The following STIM1 variants were observed in gnomAD, a reference collection of about 807,000 sequenced individuals.
STIM1 encodes the protein stromal interaction molecule 1.
In STIM1, 25 loss-of-function variants were observed where a neutral mutation model predicts 74.7. That is an observed-to-expected ratio of 0.33 (90% CI 0.24 to 0.47). STIM1 has a LOEUF of 0.47. STIM1 is among the 20% of genes least tolerant of loss of function. STIM1 has a pLI of 1.00. For missense variants in STIM1, 728 were observed against 920.8 expected, an observed-to-expected ratio of 0.79 and a Z score of 2.71; for synonymous variants, 328 against 348.8, an observed-to-expected ratio of 0.94 and a Z score of 0.66.
chr11:3,968,227 A>G (rs1468566297), intron 2 of STIM1, among the ~76,000 whole-genome samples: 1 of 152,226 alleles, frequency 6.6e-6, no homozygotes, highest in Non-Finnish European at 1.5e-5. Context: ...TCTAAATGGA[A>G]AAAAGCTCTA....
At chr11:3,891,522 C>G (rs12271076) in intron 1 of STIM1, among the ~76,000 whole-genome samples, 1 of 152,010 alleles carries the variant, frequency 6.6e-6, no homozygotes, top group Non-Finnish European at 1.5e-5. Context: ...TGACTTCAGG[C>G]GATCTTCTCA....
At chr11:4,011,160 A>G (rs1359152675) in intron 2 of STIM1, among the ~76,000 whole-genome samples, 1 of 152,192 alleles carries the variant, frequency 6.6e-6, no homozygotes, top group Admixed American at 6.5e-5. Flanking sequence ...GCTATTGTGA[A>G]TAGTGCCGCA....
At chr11:3,864,062 G>A (rs932542084) in intron 1 of STIM1, among the ~76,000 whole-genome samples, 1 of 151,856 alleles carries the variant, frequency 6.6e-6, no homozygotes, top group African/African-American at 2.4e-5. Flanking sequence ...GCCATCATGC[G>A]TAACTCTGGT....
intron 5 of STIM1, among the ~76,000 whole-genome samples, chr11:4,065,737 C>T (rs1328311221): frequency 1.3e-5 from 2 of 152,104 alleles, no homozygotes; most frequent in African/African-American, 4.8e-5. Context: ...ATAGCTGAGG[C>T]ATTTAAAGCA....
chr11:3,960,851 A>G (rs1422674439), intron 1 of STIM1, among the ~76,000 whole-genome samples: 2 of 152,156 alleles, frequency 1.3e-5, no homozygotes, highest in Admixed American at 6.5e-5. Context: ...AAAATGTACA[A>G]TTCTACCCTT....
chr11:4,044,803 G>A (rs973125527), intron 3 of STIM1, among the ~76,000 whole-genome samples: 5 of 152,118 alleles, frequency 3.3e-5, no homozygotes, highest in Non-Finnish European at 7.4e-5. Context: ...TGGCAACCCC[G>A]TGCCTCACTT....
chr11:4,028,894 A>G (rs1361050684), intron 3 of STIM1, among the ~76,000 whole-genome samples: 1 of 152,100 alleles, frequency 6.6e-6, no homozygotes, highest in Non-Finnish European at 1.5e-5. Context: ...CTGGTAGAAA[A>G]TAAACATTAC....
chr11:3,863,577 T>C (rs968999640), intron 1 of STIM1, among the ~76,000 whole-genome samples: 24 of 152,130 alleles, frequency 1.6e-4, no homozygotes, highest in African/African-American at 5.6e-4. Flanking sequence ...AAATATTAAG[T>C]GGAAAATTCC....
intron 5 of STIM1, among the ~76,000 whole-genome samples, chr11:4,063,803 T>C (rs1009018377): frequency 2.6e-5 from 4 of 152,222 alleles, no homozygotes; most frequent in African/African-American, 4.8e-5. Flanking sequence ...TAGTCACTTT[T>C]CTCAGGTGTG....
intron 2 of STIM1, among the ~76,000 whole-genome samples, chr11:3,975,858 C>T (rs1408946852): frequency 3.3e-5 from 5 of 152,074 alleles, no homozygotes; most frequent in Admixed American, 6.5e-5. Flanking sequence ...AAGTCCTGGA[C>T]GAGGAGGAAG....
intron 3 of STIM1, among the ~76,000 whole-genome samples, chr11:4,051,002 C>T (rs2094235327): frequency 6.6e-6 from 1 of 151,824 alleles, no homozygotes; most frequent in African/African-American, 2.4e-5. Context: ...AGAGATTAGT[C>T]TTGCTGTCTC....
chr11:3,946,166 A>G (rs1450358656), intron 1 of STIM1, among the ~76,000 whole-genome samples: 1 of 152,220 alleles, frequency 6.6e-6, no homozygotes, highest in Non-Finnish European at 1.5e-5. Context: ...TTCTTGAATA[A>G]TAGTATACAT....
intron 2 of STIM1, among the ~76,000 whole-genome samples, chr11:4,005,102 T>C (rs1387936576): frequency 6.6e-6 from 1 of 152,120 alleles, no homozygotes; most frequent in Non-Finnish European, 1.5e-5. Flanking sequence ...GGAGAGGATG[T>C]GGAATAATAG....
At chr11:3,855,335 C>T (rs2090320092), upstream of STIM1, 1 of 152,256 alleles carries the variant, frequency 6.6e-6, no homozygotes, top group South Asian at 2.1e-4. Context: ...CTGCTGTCGC[C>T]GCCGCCGCAG....
intron 1 of STIM1, among the ~76,000 whole-genome samples, chr11:3,937,724 T>C (rs2092952250): frequency 1.3e-5 from 2 of 152,192 alleles, no homozygotes; most frequent in Admixed American, 6.5e-5. Context: ...TATAAGCTCA[T>C]CCACTGGAGG....
At position 3,961,898 on chromosome 11, in the gene STIM1, T is replaced by A. The variant is rs986304414; in HGVS notation, c.140-5654T>A. Among the ~76,000 whole-genome samples the A allele has an allele frequency of 3.9e-5, 6 of 152,234 alleles. 1 individual carries two copies. Among genetic ancestry groups the A allele is most frequent in the Admixed American group, 1.3e-4 (2 of 15,290 alleles). ...GAAAATTGTCCTTTGGAAGCCTTCA[T>A]ACTGGTATCATGACCTAACATTTAG... is the stretch of plus-strand genomic sequence containing the variant. On this transcript the variant is annotated intron_variant, in intron 1 of 12. Coordinates refer to ENST00000526596, the MANE Select transcript of STIM1 (RefSeq NM_001382567.1).
At chr11:3,995,130 T>C (rs2093652246) in intron 2 of STIM1, among the ~76,000 whole-genome samples, 1 of 152,134 alleles carries the variant, frequency 6.6e-6, no homozygotes, top group Non-Finnish European at 1.5e-5. Context: ...GGCTAATTTG[T>C]AGTCTTTTTC....
Position 3,915,500 on chromosome 11 carries a change from C to CCATT in STIM1, c.140-52050_140-52047dup, listed in dbSNP as rs1456654803. Reference sequence around the variant, plus strand: ...GCAAGCTCCGCCTCCCGGGTTCACGCCATTCTCCTGCCTCAGACTCCCGAG... The same window carrying CCATT: ...GCAAGCTCCGCCTCCCGGGTTCACGCCATTCATTCTCCTGCCTCAGACTCCCGAG... On this transcript the variant is annotated intron_variant, in intron 1 of 12. Transcript: ENST00000526596. Among the ~76,000 whole-genome samples, 30 of 151,828 alleles carry CCATT rather than the reference C, an allele frequency of 2.0e-4. No homozygotes were observed. The South Asian group carries it at 5.6e-3, about 29-fold the overall frequency.
At chr11:4,059,147 ACT>A (rs2094312571) in intron 4 of STIM1, 132 bp from the exon 5 acceptor site, 4 of 852,342 alleles carry the variant, frequency 4.7e-6, no homozygotes, top group Admixed American at 4.0e-5. Context: ...ACTGGTATAG[ACT>A]CTGTGTTCTA....
Sources: allele counts gnomAD v4.1 joint callset (sites outside exome capture counted in the v4.1 genomes callset), GRCh38; gene constraint gnomAD v4.1.1; transcripts MANE v1.5; gene names NCBI Gene and HGNC (gene_info 2026-07-23, HGNC 2026-07-21).